APH1A: variants seen among roughly 807,000 people sequenced by gnomAD.
APH1A encodes the protein gamma-secretase subunit APH-1A.
APH1A carries 16 observed loss-of-function variants against 30.3 expected under a neutral mutation model. The observed-to-expected ratio is 0.53, with a 90% CI of 0.36 to 0.80. The LOEUF is 0.80. Among genes scored for constraint, APH1A ranks in the 30% least tolerant of loss-of-function variants. The pLI is 0.01. For synonymous variants in APH1A, 144 were observed against 140.1 expected (o/e 1.03, Z -0.20); for missense variants, 245 against 337.8 (o/e 0.73, Z 2.15).
chr1:150,268,371 G>A, intron 1 of APH1A: 1 of 606,664 alleles, frequency 1.6e-6, no homozygotes, highest in South Asian at 2.1e-5. Context: ...GTGCGAGCAC[G>A]GAAGGGCGAG....
chr1:150,268,365 G>A, intron 1 of APH1A: 1 of 616,552 alleles, frequency 1.6e-6, no homozygotes, highest in Non-Finnish European at 2.8e-6. Context: ...CAGAGTGTGC[G>A]AGCACGGAAG....
chr1:150,267,462 G>A lies in APH1A; in HGVS notation c.375C>T (p.Phe125=), dbSNP rs201257450. The change falls in exon 4 of 7, where the codon TTC becomes TTT. Residue 125 remains phenylalanine (F), a synonymous_variant. Coordinates refer to ENST00000369109, the MANE Select transcript of APH1A (RefSeq NM_001077628.3). The stretch of plus-strand genomic sequence containing the variant: ...CAGAGAAGACACCACTGATGATACC[G>A]AAGGAGAGACCAGAAACTGGGGGAA... ...RQMAYVSGLS[F]GIISGVFSVI... 1.1e-5 allele frequency: 18 copies of A among 1,613,976 alleles called. No homozygotes were observed. Among genetic ancestry groups the A allele is most frequent in the Admixed American group, 8.3e-5 (5 of 59,998 alleles).
Position 150,267,189 on chromosome 1 carries a change from T to G in APH1A, c.495A>C (p.Ala165=). The G allele has an allele frequency of 6.2e-7, 1 of 1,614,160 alleles. No homozygotes were observed. The highest frequency in any genetic ancestry group is 8.5e-7 in the Non-Finnish European group (1 of 1,180,026). The stretch of plus-strand genomic sequence containing the variant: ...AAAAGGTATGGAGCAGGATAATGGC[T>G]GCTGTCAGAAAGGCTGCAGGGAGGG... The part of the protein sequence containing the change: ...YYFLTSAFLT[A]AIILLHTFWG... The change falls in exon 5 of 7, where the codon GCA becomes GCC. Residue 165 remains alanine (A), a synonymous_variant. Transcript: ENST00000369109.
At chr1:150,267,921 T>C (rs781881118) in intron 2 of APH1A, 36 bp downstream of exon 2, 1 of 1,613,150 alleles carries the variant, frequency 6.2e-7, no homozygotes, top group Non-Finnish European at 8.5e-7. Context: ...TGCAGTCCTT[T>C]GCCCCTCTCC....
chr1:150,268,231 C>T (rs1381574446), intron 1 of APH1A, 104 bp from the exon 2 acceptor site: 3 of 1,372,924 alleles, frequency 2.2e-6, no homozygotes, highest in African/African-American at 2.9e-5. Flanking sequence ...GTTAGCCTTC[C>T]GGATGGTTAG....
Position 150,268,137 on chromosome 1 carries a change from G to C in APH1A, c.114-10C>G. 6.2e-7 allele frequency: 1 copy of C among 1,612,944 alleles called. No individual in the cohort carries two copies. On this transcript the variant is annotated splice_polypyrimidine_tract_variant and intron_variant, in intron 1 of 6. Coordinates refer to ENST00000369109, the MANE Select transcript of APH1A (RefSeq NM_001077628.3). ...CAGCCAGAAAAATGCCCTGAGAAAA[G>C]ACAGGGGCAGTGAGACAAGCAATAG...
chr1:150,267,263 T>C, intron 4 of APH1A, 61 bp from the exon 5 acceptor site: 2 of 1,612,878 alleles, frequency 1.2e-6, no homozygotes, highest in Non-Finnish European at 1.7e-6. Flanking sequence ...TCCTGAGATG[T>C]TGAGCCAAAG....
Position 150,266,644 on chromosome 1 carries a change from G to A in APH1A, c.622C>T (p.Pro208Ser). 6.2e-7 allele frequency: 1 copy of A among 1,613,966 alleles called. No individual in the cohort carries two copies. The highest frequency in any genetic ancestry group is 8.5e-7 in the Non-Finnish European group (1 of 1,179,942). The change falls in exon 6 of 7, where the codon CCC becomes TCC. Residue 208 changes from proline (P) to serine (S), a missense_variant. Coordinates refer to ENST00000369109, the MANE Select transcript of APH1A (RefSeq NM_001077628.3). ...GGCAGCAGGCTGGCCTCATACCAGG[G>A]GTTCAGGAATGTCTAGGAAGGAGGG... ...LLTSGLTFLN[P>S]WYEASLLPIY... is the part of the protein sequence containing the mutation.
At chr1:150,268,489 A>G (rs1651935805) in intron 1 of APH1A, 1 of 609,018 alleles carries the variant, frequency 1.6e-6, no homozygotes, top group Non-Finnish European at 2.9e-6. Context: ...CGCTGGGAGG[A>G]ATATAGGAGG....
At chr1:150,268,543 G>T in intron 1 of APH1A, 155 bp downstream of exon 1, 2 of 716,990 alleles carry the variant, frequency 2.8e-6, no homozygotes, top group Non-Finnish European at 2.3e-6. Context: ...TGCGGGAAAG[G>T]ACAAATCTCC....
At position 150,268,790 on chromosome 1, in the gene APH1A, G is replaced by A. The variant is rs1238885368; in HGVS notation, c.21C>T (p.Phe7=). The change falls in exon 1 of 7, where the codon TTC becomes TTT. Residue 7 remains phenylalanine, a synonymous_variant. Coordinates refer to ENST00000369109, the MANE Select transcript of APH1A (RefSeq NM_001077628.3). ...GGCCGAACGCGACGAAAGTGCAGCC[G>A]AAAAACACCGCAGCCCCCATGGCTG... is the stretch of plus-strand genomic sequence containing the variant. The part of the protein sequence containing the change: MGAAVF[F]GCTFVAFGPA... 3 of 1,613,296 alleles carry A rather than the reference G, an allele frequency of 1.9e-6. No individual in the cohort carries two copies. The African/African-American group carries it at 4.0e-5, about 22-fold the overall frequency.
chr1:150,268,449 C>A, intron 1 of APH1A: 1 of 588,422 alleles, frequency 1.7e-6, no homozygotes, highest in East Asian at 2.9e-5. Flanking sequence ...AGCCCCCTCA[C>A]GAGTCTCGGC....
rs782262295 is a variant in APH1A, at chr1:150,268,831, G to A, written c.-21C>T. ...CCCATGGCTGGTCAGGTGGGAAGGG[G>A]GGTGGGGGCCTGACCAGGACAGGCA... On this transcript the variant is annotated 5_prime_UTR_variant, in exon 1 of 7. Coordinates refer to ENST00000369109, the MANE Select transcript of APH1A (RefSeq NM_001077628.3). 3.1e-6 allele frequency: 5 copies of A among 1,601,172 alleles called. No homozygotes were observed. The East Asian group carries it at 1.1e-4, about 36-fold the overall frequency.
chr1:150,268,582 C>T lies in APH1A; in HGVS notation c.113+116G>A. On this transcript the variant is annotated intron_variant, in intron 1 of 6. Coordinates refer to ENST00000369109, the MANE Select transcript of APH1A (RefSeq NM_001077628.3). ...ACCCAACCCCTCACCTCCGCCCAAA[C>T]TTCACCTCCGACTTATCGTCCCCAA... The T allele has an allele frequency of 5.6e-6, 6 of 1,078,350 alleles. No homozygotes were observed. In the South Asian group the frequency reaches 9.0e-5, roughly 16 times the overall value. 66.8% of individuals were successfully genotyped at this position (1,078,350 alleles called of 1,614,324 possible).
rs1349295745 is a variant in APH1A, at chr1:150,268,691, T to C, written c.113+7A>G. The C allele has an allele frequency of 5.0e-6, 8 of 1,607,408 alleles. No homozygotes were observed. The highest frequency in any genetic ancestry group is 6.8e-6 in the Non-Finnish European group (8 of 1,176,944). On this transcript the variant is annotated splice_region_variant and intron_variant, in intron 1 of 6. Coordinates refer to ENST00000369109, the MANE Select transcript of APH1A (RefSeq NM_001077628.3). The stretch of plus-strand genomic sequence containing the variant: ...GCTCTCCCGCGTCTCCCGGGCCCTC[T>C]ACTCACCCTGCGACCAGGATGATAA...
intron 1 of APH1A, 59 bp from the exon 2 acceptor site, chr1:150,268,186 G>A: frequency 6.4e-7 from 1 of 1,574,282 alleles, no homozygotes; most frequent in Non-Finnish European, 8.6e-7. Context: ...AGAAATCAAG[G>A]AGGGAAACCA....
At chr1:150,267,592 A>C (rs1240041540) in intron 3 of APH1A, 114 bp from the exon 4 acceptor site, 3 of 1,579,304 alleles carry the variant, frequency 1.9e-6, no homozygotes, top group Non-Finnish European at 2.6e-6. Flanking sequence ...CTCCAGACCA[A>C]CTTTCTTTGG....
rs1553850635 is a variant in APH1A, at chr1:150,268,932, A to AC, written c.-123dup. ...CCCACGAGGGGCGCGGTGCAATGTC[A>AC]CCCCCAGACCCCGGGGAAGGGGAAG... On this transcript the variant is annotated 5_prime_UTR_variant, in exon 1 of 7. Coordinates refer to ENST00000369109, the MANE Select transcript of APH1A (RefSeq NM_001077628.3). 6.7e-6 allele frequency: 5 copies of AC among 745,930 alleles called. No individual in the cohort carries two copies. The Admixed American group carries it at 8.6e-5, about 13-fold the overall frequency. The allele number at this position is 745,930 out of a possible 1,614,324, so 46.2% of individuals were successfully genotyped here.
chr1:150,267,688 C>T, intron 3 of APH1A, 28 bp downstream of exon 3: 1 of 1,603,936 alleles, frequency 6.2e-7, no homozygotes, highest in African/African-American at 1.3e-5. Flanking sequence ...GTCCAACTCC[C>T]TCCTCCAGTC....
Sources: gnomAD v4.1 joint callset for allele counts on GRCh38, gnomAD v4.1.1 for gene constraint, MANE v1.5 for transcripts, NCBI Gene and HGNC (gene_info 2026-07-23, HGNC 2026-07-21) for gene names.